Variants in WWP1 observed in about 807,000 individuals in gnomAD.
WWP1 encodes NEDD4-like E3 ubiquitin-protein ligase WWP1.
Under a neutral mutation model 130.6 loss-of-function variants are expected in WWP1, and 49 were observed. The observed-to-expected ratio is 0.38, with a 90% CI of 0.30 to 0.48. The LOEUF (loss-of-function observed/expected upper bound fraction) is 0.48, where lower values mean the gene tolerates loss of function less well. Ranked by LOEUF, WWP1 falls within the 20% of genes least tolerant of loss-of-function variation. WWP1 has a pLI of 0.99. For missense variants in WWP1, 809 were observed against 1,100.6 expected (o/e 0.74, Z 3.75); for synonymous variants, 332 against 367.8 (o/e 0.90, Z 1.11).
intron 16 of WWP1, among the ~76,000 whole-genome samples, chr8:86,437,204 T>C (rs1810341398): frequency 6.6e-6 from 1 of 152,218 alleles, no homozygotes; most frequent in African/African-American, 2.4e-5. Context: ...TCCTGACATA[T>C]GTGTGGAATG....
chr8:86,421,552 T>C (rs755762311), intron 9 of WWP1, among the ~76,000 whole-genome samples: 6 of 152,206 alleles, frequency 3.9e-5, no homozygotes, highest in South Asian at 2.1e-4. Context: ...AGGCCGGGCA[T>C]GGTGGCTCAC....
intron 5 of WWP1, among the ~76,000 whole-genome samples, chr8:86,392,393 C>G (rs1807396997): frequency 6.6e-6 from 1 of 152,144 alleles, no homozygotes; most frequent in Non-Finnish European, 1.5e-5. Context: ...TTTAAATATT[C>G]CAGAGAGGAG....
intron 24 of WWP1, among the ~76,000 whole-genome samples, chr8:86,465,161 T>C (rs1014379725): frequency 3.3e-5 from 5 of 151,990 alleles, no homozygotes; most frequent in African/African-American, 1.2e-4. Flanking sequence ...CTAGGCAAAA[T>C]TGGATTGCTC....
intron 9 of WWP1, among the ~76,000 whole-genome samples, chr8:86,417,824 T>C (rs917639184): frequency 6.6e-6 from 1 of 152,162 alleles, no homozygotes; most frequent in African/African-American, 2.4e-5. Context: ...TATATATTAT[T>C]CCAGTAGCAA....
intron 20 of WWP1, among the ~76,000 whole-genome samples, chr8:86,451,710 G>A (rs1049874916): frequency 6.6e-6 from 1 of 152,138 alleles, no homozygotes; most frequent in Non-Finnish European, 1.5e-5. Flanking sequence ...GGAGGAGTGT[G>A]AACAGCTTGG....
intron 24 of WWP1, among the ~76,000 whole-genome samples, chr8:86,466,537 A>AT (rs369113098): frequency 7.8e-4 from 115 of 146,952 alleles, no homozygotes; most frequent in Middle Eastern, 3.5e-3. Flanking sequence ...AAGAAAATGG[A>AT]TTTTTTTTTT....
intron 5 of WWP1, among the ~76,000 whole-genome samples, chr8:86,394,267 G>C (rs1012422865): frequency 2.0e-5 from 3 of 152,156 alleles, no homozygotes; most frequent in African/African-American, 4.8e-5. Context: ...CCTCCTCAGA[G>C]ACTCAAATTG....
At chr8:86,433,906 G>A (rs1339958061) in intron 14 of WWP1, among the ~76,000 whole-genome samples, 2 of 151,164 alleles carry the variant, frequency 1.3e-5, no homozygotes, top group South Asian at 2.1e-4. Flanking sequence ...CAACAAGAGC[G>A]AAACTCCATC....
intron 5 of WWP1, among the ~76,000 whole-genome samples, chr8:86,388,401 G>A (rs1825415956): frequency 6.6e-6 from 1 of 151,978 alleles, no homozygotes; most frequent in African/African-American, 2.4e-5. Context: ...GCTTGGCTAG[G>A]TTGTCTTTTT....
chr8:86,427,334 A>G (rs184197788), intron 10 of WWP1, among the ~76,000 whole-genome samples: 16 of 152,294 alleles, frequency 1.1e-4, no homozygotes, highest in African/African-American at 3.4e-4. Context: ...CGACCATGGC[A>G]CATGTATACC....
At chr8:86,443,354 G>A (rs1280712079) in intron 18 of WWP1, among the ~76,000 whole-genome samples, 3 of 152,162 alleles carry the variant, frequency 2.0e-5, no homozygotes, top group East Asian at 1.9e-4. Context: ...GATTACAAAT[G>A]TGAGCCACCA....
intron 11 of WWP1, 42 bp from the exon 12 acceptor site, chr8:86,430,655 C>A: frequency 6.7e-7 from 1 of 1,501,920 alleles, no homozygotes; most frequent in Non-Finnish European, 9.0e-7. Flanking sequence ...CATATTAAAA[C>A]ACTGTTATTT....
At chr8:86,362,122 AGG>A in intron 1 of WWP1, among the ~76,000 whole-genome samples, 6 of 137,932 alleles carry the variant, frequency 4.3e-5, no homozygotes, top group African/African-American at 8.1e-5. Flanking sequence ...TATATACACT[AGG>A]CATATGTATA....
At chr8:86,425,387 T>C (rs1809562602) in intron 10 of WWP1, 69 bp downstream of exon 10, 2 of 1,189,832 alleles carry the variant, frequency 1.7e-6, no homozygotes, top group Non-Finnish European at 2.4e-6. Flanking sequence ...ATTTATTTAG[T>C]ACAGCGTAAT....
At chr8:86,424,792 G>A (rs1290652662) in intron 9 of WWP1, among the ~76,000 whole-genome samples, 6 of 140,696 alleles carry the variant, frequency 4.3e-5, no homozygotes, top group Non-Finnish European at 6.2e-5. Context: ...GAGGGAGAGC[G>A]TGGAAAGAGA....
intron 1 of WWP1, among the ~76,000 whole-genome samples, chr8:86,356,314 C>T (rs142550620): frequency 3.3e-5 from 5 of 151,906 alleles, no homozygotes; most frequent in African/African-American, 1.2e-4. Context: ...AAGTTTGGAA[C>T]CCAAGTTTTA....
intron 7 of WWP1, among the ~76,000 whole-genome samples, chr8:86,398,869 G>C (rs572509825): frequency 6.6e-6 from 1 of 152,018 alleles, no homozygotes; most frequent in Non-Finnish European, 1.5e-5. Flanking sequence ...CATTTTAGTC[G>C]TTTTTAATAT....
intron 5 of WWP1, among the ~76,000 whole-genome samples, chr8:86,385,864 A>C (rs1825253349): frequency 6.6e-6 from 1 of 152,204 alleles, no homozygotes; most frequent in South Asian, 2.1e-4. Flanking sequence ...TTCTATATAA[A>C]AATTTTACTG....
At position 86,431,601 on chromosome 8, in the gene WWP1, A is replaced by T. The variant is rs1206658407; in HGVS notation, c.1473-14A>T. 1 of 1,612,792 alleles carries T rather than the reference A, an allele frequency of 6.2e-7. No individual in the cohort carries two copies. Among genetic ancestry groups the T allele is most frequent in the Admixed American group, 1.7e-5 (1 of 59,746 alleles). On this transcript the variant is annotated splice_polypyrimidine_tract_variant and intron_variant, in intron 13 of 24. Coordinates refer to ENST00000517970, the MANE Select transcript of WWP1 (RefSeq NM_007013.4). ...AGAAAAGGTTCATCTTGTGATTTTA[A>T]CTTTATCTTTTAGCTTACAGAATGA...
Sources: allele counts gnomAD v4.1 joint callset (sites outside exome capture counted in the v4.1 genomes callset), GRCh38; gene constraint gnomAD v4.1.1; transcripts MANE v1.5; gene names NCBI Gene and HGNC (gene_info 2026-07-23, HGNC 2026-07-21).